Variants in NCOA7 observed in about 807,000 individuals in gnomAD.
NCOA7 encodes the protein nuclear receptor coactivator 7.
Under a neutral mutation model 104.3 loss-of-function variants are expected in NCOA7, and 45 were observed. That is an observed-to-expected ratio of 0.43 (90% CI 0.34 to 0.55). NCOA7 has a LOEUF of 0.55. Ranked by LOEUF, NCOA7 falls within the 20% of genes least tolerant of loss-of-function variation. The probability of loss-of-function intolerance (pLI) is 0.02; values close to 1 mark genes in which losing one functional copy is unlikely to be tolerated. For synonymous variants in NCOA7, 398 were observed against 402.3 expected, an observed-to-expected ratio of 0.99 and a Z score of 0.13; for missense variants, 1,041 against 1,119.7, an observed-to-expected ratio of 0.93 and a Z score of 1.00.
chr6:125,888,546 G>A (rs1784412948), intron 8 of NCOA7, among the ~76,000 whole-genome samples: 1 of 152,112 alleles, frequency 6.6e-6, no homozygotes, highest in Non-Finnish European at 1.5e-5. Context: ...GCACATTTAA[G>A]GAATTTTAGA....
rs1258695418 is a variant in NCOA7, at chr6:125,928,164, C to A, written c.2620-10C>A. 1.2e-6 allele frequency: 2 copies of A among 1,604,686 alleles called. No homozygotes were observed. Among genetic ancestry groups the A allele is most frequent in the Non-Finnish European group, 8.5e-7 (1 of 1,175,672 alleles). On this transcript the variant is annotated splice_polypyrimidine_tract_variant and intron_variant, in intron 14 of 15. Transcript: ENST00000392477. Reference sequence around the variant, plus strand: ...AATGTCTGTTTTCTTTTTTGTGTTTCTTCCCCAAGGTCTTTAAGTGGAGTG... The same window carrying A: ...AATGTCTGTTTTCTTTTTTGTGTTTATTCCCCAAGGTCTTTAAGTGGAGTG...
chr6:125,890,046 T>G (rs1784521124), intron 9 of NCOA7, 65 bp downstream of exon 9: 2 of 1,198,336 alleles, frequency 1.7e-6, no homozygotes, highest in Non-Finnish European at 2.3e-6. Context: ...AATTTGCACA[T>G]GTAATACCCA....
chr6:125,830,923 A>G (rs950128075), intron 2 of NCOA7, among the ~76,000 whole-genome samples: 5 of 151,888 alleles, frequency 3.3e-5, no homozygotes, highest in African/African-American at 1.2e-4. Flanking sequence ...TTTTCTGTCT[A>G]TTATTCTATT....
intron 2 of NCOA7, among the ~76,000 whole-genome samples, chr6:125,846,361 ATTTT>A (rs139496689): frequency 0.3 from 43,961 of 148,250 alleles, 7,847 homozygotes; most frequent in East Asian, 0.49. Context: ...AGAAAAAAAA[ATTTT>A]TTTTTTTTTT....
chr6:125,903,705 CCTT>C (rs1477424416), intron 10 of NCOA7, among the ~76,000 whole-genome samples: 100 of 136,972 alleles, frequency 7.3e-4, no homozygotes, highest in African/African-American at 2.5e-3. Flanking sequence ...ATTTTTACTA[CCTT>C]CTTTTTTTTT....
Position 125,889,929 on chromosome 6 carries a change from T to C in NCOA7, c.1875T>C (p.Asn625=). Residue 625 remains asparagine (N), a synonymous_variant, in exon 9 of 16, where the codon AAT becomes AAC. Coordinates refer to ENST00000392477, the MANE Select transcript of NCOA7 (RefSeq NM_181782.5). ...GCTGTCAAGGTGCACAAATGGATAA[T>C]AAATCTGAAGTTCAGTTGTGGCTGT... The part of the protein sequence containing the change: ...DNSCQGAQMD[N]KSEVQLWLLK... The C allele has an allele frequency of 6.3e-7, 1 of 1,577,818 alleles. No homozygotes were observed. Among genetic ancestry groups the C allele is most frequent in the Non-Finnish European group, 8.6e-7 (1 of 1,166,528 alleles).
At chr6:125,916,166 ATCTGATGGTTTTAAAAGTGGCAGTT>A (rs1438093738) in intron 11 of NCOA7, among the ~76,000 whole-genome samples, 1 of 152,098 alleles carries the variant, frequency 6.6e-6, no homozygotes, top group Non-Finnish European at 1.5e-5. Flanking sequence ...TTCTCACAAG[ATCTGATGGTTTTAAAAGTGGCAGTT>A]TCCGCTACGC....
chr6:125,821,709 G>A (rs563238354), intron 2 of NCOA7, among the ~76,000 whole-genome samples: 37 of 152,242 alleles, frequency 2.4e-4, no homozygotes, highest in African/African-American at 8.2e-4. Flanking sequence ...AAGACAATAG[G>A]AAGCAGGCAG....
intron 3 of NCOA7, among the ~76,000 whole-genome samples, chr6:125,859,507 G>A (rs1479422254): frequency 6.6e-6 from 1 of 152,180 alleles, no homozygotes; most frequent in Non-Finnish European, 1.5e-5. Context: ...AAAAAGACTA[G>A]GAGGATATGT....
chr6:125,800,179 G>A (rs1342569581), intron 1 of NCOA7, among the ~76,000 whole-genome samples: 1 of 152,184 alleles, frequency 6.6e-6, no homozygotes, highest in Non-Finnish European at 1.5e-5. Flanking sequence ...TTGTGAATCT[G>A]TCAGAGAATT....
At chr6:125,862,698 G>A (rs1301333792) in intron 3 of NCOA7, among the ~76,000 whole-genome samples, 1 of 137,586 alleles carries the variant, frequency 7.3e-6, no homozygotes, top group Non-Finnish European at 1.5e-5. Context: ...CATTCACACT[G>A]TTGGCAAAAA....
In NCOA7 at chr6:125,930,973, G is replaced by GC. The variant is rs1258724874; in HGVS notation, c.*2203dup. 1 of 152,636 alleles carries GC rather than the reference G, an allele frequency of 6.6e-6. No individual in the cohort carries two copies. The highest frequency in any genetic ancestry group is 1.5e-5 in the Non-Finnish European group (1 of 68,030). The allele number at this position is 152,636 out of a possible 1,614,324, so 9.5% of individuals were successfully genotyped here. ...AGTCCATGATACTATAATTGTGAGA[G>GC]CATATCCAGATGCTGTGTTCTCTAT... is the stretch of plus-strand genomic sequence containing the variant. On this transcript the variant is annotated 3_prime_UTR_variant, in exon 16 of 16. Transcript: ENST00000392477.
chr6:125,811,404 G>T (rs1776991788), intron 1 of NCOA7, among the ~76,000 whole-genome samples: 1 of 152,182 alleles, frequency 6.6e-6, no homozygotes, highest in South Asian at 2.1e-4. Flanking sequence ...TTTATGGTTG[G>T]GGCGAGGAGA....
At chr6:125,920,601 C>T (rs537953014) in intron 11 of NCOA7, among the ~76,000 whole-genome samples, 1 of 152,162 alleles carries the variant, frequency 6.6e-6, no homozygotes, top group Non-Finnish European at 1.5e-5. Context: ...GATAGGGGTC[C>T]CATCATGTTG....
rs1004756269 is a variant in NCOA7, at chr6:125,866,076, TC to T, written c.272-8810del. Among the ~76,000 whole-genome samples the T allele has an allele frequency of 1.4e-4, 19 of 137,098 alleles. 2 individuals carry two copies. The highest frequency in any genetic ancestry group is 9.0e-4 in the Admixed American group (13 of 14,504). The allele number at this position is 137,098 out of a possible 152,430, so 89.9% of individuals were successfully genotyped here. On this transcript the variant is annotated intron_variant, in intron 3 of 15. Coordinates refer to ENST00000392477, the MANE Select transcript of NCOA7 (RefSeq NM_181782.5). ...CGGGCACAGTGTCTCACACCTGTAATCCCAGCACTTTGGGAGGCTGAGGCGG... is the reference window on the plus strand; with the variant it reads ...CGGGCACAGTGTCTCACACCTGTAATCCAGCACTTTGGGAGGCTGAGGCGG...
chr6:125,928,218 C>G lies in NCOA7; in HGVS notation c.2664C>G (p.Asp888Glu). The G allele has an allele frequency of 1.2e-6, 2 of 1,612,686 alleles. No homozygotes were observed. Among genetic ancestry groups the G allele is most frequent in the Non-Finnish European group, 1.7e-6 (2 of 1,179,778 alleles). Residue 888 changes from aspartate to glutamate, a missense_variant, in exon 15 of 16, where the codon GAC (aspartate) becomes GAG (glutamate). Transcript: ENST00000392477. ...SGENSYFING[D>E]ISSLELGGGG... is the part of the protein sequence containing the mutation. ...AAAATTCATACTTTATCAATGGAGA[C>G]ATAAGTTCTTTAGAACTTGGTGGTG...
At chr6:125,871,296 GCACAA>G (rs1782877062) in intron 3 of NCOA7, among the ~76,000 whole-genome samples, 1 of 151,906 alleles carries the variant, frequency 6.6e-6, no homozygotes, top group African/African-American at 2.4e-5. Context: ...CCATTCTAAA[GCACAA>G]TGGAGCAGTC....
intron 3 of NCOA7, among the ~76,000 whole-genome samples, 195 bp from the exon 4 acceptor site, chr6:125,874,694 A>G (rs1321765010): frequency 6.6e-6 from 1 of 152,202 alleles, no homozygotes; most frequent in Non-Finnish European, 1.5e-5. Flanking sequence ...TTGTTTAATT[A>G]TAGTTAATAT....
At chr6:125,891,364 C>T (rs1784609492) in intron 10 of NCOA7, among the ~76,000 whole-genome samples, 1 of 152,066 alleles carries the variant, frequency 6.6e-6, no homozygotes, top group South Asian at 2.1e-4. Context: ...ATGTGGCAGT[C>T]TAGGATAGGA....
Sources: allele counts gnomAD v4.1 joint callset (sites outside exome capture counted in the v4.1 genomes callset), GRCh38; gene constraint gnomAD v4.1.1; transcripts MANE v1.5; gene names NCBI Gene and HGNC (gene_info 2026-07-23, HGNC 2026-07-21).